Variants in NEGR1 observed in about 807,000 individuals in gnomAD.
NEGR1 encodes the protein IgLON family member 4.
Under a neutral mutation model 40.9 loss-of-function variants are expected in NEGR1, and 10 were observed. That is an observed-to-expected ratio of 0.24 (90% CI 0.15 to 0.42). The LOEUF (loss-of-function observed/expected upper bound fraction) is 0.42, where lower values mean the gene tolerates loss of function less well. Ranked by LOEUF, NEGR1 falls within the 10% of genes least tolerant of loss-of-function variation. The probability of loss-of-function intolerance (pLI) is 1.00; values close to 1 mark genes in which losing one functional copy is unlikely to be tolerated. For synonymous variants in NEGR1, 185 were observed against 166.8 expected, an observed-to-expected ratio of 1.11 and a Z score of -0.84; for missense variants, 352 against 438.9, an observed-to-expected ratio of 0.80 and a Z score of 1.77.
chr1:71,939,770 G>C (rs1329888733), intron 1 of NEGR1, among the ~76,000 whole-genome samples: 4 of 150,880 alleles, frequency 2.7e-5, no homozygotes, highest in Admixed American at 1.3e-4. Flanking sequence ...TACAACATTT[G>C]ACTCTACACT....
chr1:72,157,409 C>T (rs1192533155), intron 1 of NEGR1, among the ~76,000 whole-genome samples: 2 of 152,124 alleles, frequency 1.3e-5, no homozygotes, highest in Admixed American at 6.6e-5. Flanking sequence ...AATGTTAATT[C>T]ATCCCTAATT....
At chr1:71,770,202 G>A (rs776255558) in intron 3 of NEGR1, among the ~76,000 whole-genome samples, 8 of 152,176 alleles carry the variant, frequency 5.3e-5, no homozygotes, top group Admixed American at 1.3e-4. Flanking sequence ...AAAGATCTAT[G>A]AGCCTACTTG....
chr1:71,407,378 G>A lies in NEGR1; in HGVS notation c.*68C>T. ...TATCCCACGCTGCTTTTAACAAACT[G>A]TACCAGATTGGATCCAGCCATCAGC... On this transcript the variant is annotated 3_prime_UTR_variant, in exon 7 of 7. Coordinates refer to ENST00000357731, the MANE Select transcript of NEGR1 (RefSeq NM_173808.3). 1 of 1,499,368 alleles carries A rather than the reference G, an allele frequency of 6.7e-7. No homozygotes were observed. The highest frequency in any genetic ancestry group is 9.2e-7 in the Non-Finnish European group (1 of 1,086,724). 92.9% of individuals were successfully genotyped at this position (1,499,368 alleles called of 1,614,324 possible).
intron 3 of NEGR1, among the ~76,000 whole-genome samples, chr1:71,724,521 T>G (rs1222915960): frequency 6.6e-6 from 1 of 152,190 alleles, no homozygotes; most frequent in African/African-American, 2.4e-5. Flanking sequence ...TGATGATTTT[T>G]CATTGGATGG....
At chr1:72,241,956 ATGAG>A (rs1249155096) in intron 1 of NEGR1, among the ~76,000 whole-genome samples, 11 of 151,736 alleles carry the variant, frequency 7.2e-5, no homozygotes, top group Non-Finnish European at 1.6e-4. Context: ...AAATGGGTGA[ATGAG>A]TGTTTACCAT....
intron 1 of NEGR1, among the ~76,000 whole-genome samples, chr1:72,167,187 C>A (rs759355362): frequency 2.0e-5 from 3 of 152,022 alleles, no homozygotes; most frequent in Non-Finnish European, 4.4e-5. Flanking sequence ...TCAGGGTAAA[C>A]AATAATGTTT....
At chr1:71,800,818 A>G (rs529385384) in intron 2 of NEGR1, among the ~76,000 whole-genome samples, 1 of 152,276 alleles carries the variant, frequency 6.6e-6, no homozygotes, top group East Asian at 1.9e-4. Flanking sequence ...GATCATTCCC[A>G]TAGCATGTGT....
intron 2 of NEGR1, among the ~76,000 whole-genome samples, chr1:71,832,279 C>T (rs985563491): frequency 5.9e-5 from 9 of 151,966 alleles, no homozygotes; most frequent in African/African-American, 2.2e-4. Flanking sequence ...TATGAACTGA[C>T]AACCAGACGA....
intron 1 of NEGR1, among the ~76,000 whole-genome samples, chr1:72,042,401 C>T (rs952393340): frequency 6.6e-6 from 1 of 151,738 alleles, no homozygotes; most frequent in African/African-American, 2.4e-5. Context: ...AAGAATTTAG[C>T]CAGAGAGTGC....
At chr1:71,615,481 T>C (rs931786475) in intron 4 of NEGR1, among the ~76,000 whole-genome samples, 1 of 152,172 alleles carries the variant, frequency 6.6e-6, no homozygotes, top group Non-Finnish European at 1.5e-5. Context: ...ATTTGGCAAT[T>C]CGTAGAAAAT....
intron 1 of NEGR1, among the ~76,000 whole-genome samples, chr1:72,048,464 C>A (rs1557500450): frequency 1.4e-5 from 2 of 139,126 alleles, no homozygotes; most frequent in Non-Finnish European, 3.1e-5. Flanking sequence ...TGGTTTATAA[C>A]CCCTTTAAAT....
intron 2 of NEGR1, among the ~76,000 whole-genome samples, chr1:71,874,125 A>G (rs922632429): frequency 1.2e-4 from 19 of 152,136 alleles, no homozygotes; most frequent in Non-Finnish European, 2.5e-4. Context: ...TTCTGCAATT[A>G]ATTCACTTGG....
intron 6 of NEGR1, among the ~76,000 whole-genome samples, chr1:71,538,510 A>G (rs1647584252): frequency 6.6e-6 from 1 of 151,608 alleles, no homozygotes. Context: ...GTCATTGTGG[A>G]GTGGAAGCAA....
At chr1:71,731,560 A>G (rs1039093671) in intron 3 of NEGR1, among the ~76,000 whole-genome samples, 1 of 152,266 alleles carries the variant, frequency 6.6e-6, no homozygotes, top group Non-Finnish European at 1.5e-5. Context: ...GTGGAAAAGG[A>G]CAATTTCTTC....
At chr1:72,159,148 A>T (rs1238080462) in intron 1 of NEGR1, among the ~76,000 whole-genome samples, 1 of 152,114 alleles carries the variant, frequency 6.6e-6, no homozygotes, top group East Asian at 1.9e-4. Flanking sequence ...GCTGATTTTG[A>T]TACTTCGGTT....
chr1:72,274,720 G>A (rs1655978626), intron 1 of NEGR1: 1 of 1,025,740 alleles, frequency 9.7e-7, no homozygotes, highest in South Asian at 1.3e-5. Context: ...GAATGGAAAA[G>A]TAATTGGAGT....
chr1:72,222,680 T>C (rs1405340853), intron 1 of NEGR1, among the ~76,000 whole-genome samples: 3 of 152,108 alleles, frequency 2.0e-5, no homozygotes, highest in Admixed American at 6.6e-5. Flanking sequence ...ATGTGTCCAA[T>C]AAGGTATGCT....
At chr1:71,496,906 C>T (rs1042326160) in intron 6 of NEGR1, among the ~76,000 whole-genome samples, 3 of 152,186 alleles carry the variant, frequency 2.0e-5, no homozygotes, top group Non-Finnish European at 4.4e-5. Context: ...AGTTAAGCCA[C>T]TTGCAACTTT....
chr1:71,620,468 T>G (rs995880239), intron 4 of NEGR1, among the ~76,000 whole-genome samples: 1 of 151,978 alleles, frequency 6.6e-6, no homozygotes, highest in Non-Finnish European at 1.5e-5. Context: ...GGAGGAGAGT[T>G]ATAGGTAGTT....
Sources: gnomAD v4.1 joint callset for allele counts (sites outside exome capture counted in the v4.1 genomes callset) on GRCh38, gnomAD v4.1.1 for gene constraint, MANE v1.5 for transcripts, NCBI Gene and HGNC (gene_info 2026-07-23, HGNC 2026-07-21) for gene names.